The following P2RX5 variants were observed in gnomAD, a reference collection of about 807,000 sequenced individuals.
P2RX5 encodes P2X purinoceptor 5.
Under a neutral mutation model 54.1 loss-of-function variants are expected in P2RX5, and 46 were observed. That is an observed-to-expected ratio of 0.85 (90% CI 0.67 to 1.09). The LOEUF is 1.09. P2RX5 is among the 50% of genes least tolerant of loss of function. P2RX5 has a pLI of 0.00. For synonymous variants in P2RX5, 226 were observed against 226.4 expected, an observed-to-expected ratio of 1.00 and a Z score of 0.02; for missense variants, 566 against 549.8, an observed-to-expected ratio of 1.03 and a Z score of -0.29.
rs142965838 is a variant in P2RX5, at chr17:3,688,058, A to G, written c.935T>C (p.Leu312Pro). 6.2e-7 allele frequency: 1 copy of G among 1,603,434 alleles called. No homozygotes were observed. Among genetic ancestry groups the G allele is most frequent in the Non-Finnish European group, 8.5e-7 (1 of 1,175,690 alleles). Residue 312 changes from leucine to proline, a missense_variant, in exon 9 of 12, where the codon CTG (leucine) becomes CCG (proline). Transcript: ENST00000225328. ...RDAAGVEFRT[L>P]MKAYGIRFDV... is the part of the protein sequence containing the mutation. ...AAAGCGGATCCCGTAGGCTTTCATC[A>G]GGGTGCGGAACTCCACCCCGGCTGC...
At chr17:3,706,001 C>T in the P2RX5 span, among the ~76,000 whole-genome samples, 1 of 151,846 alleles carries the variant, frequency 6.6e-6, no homozygotes, top group Non-Finnish European at 1.5e-5. Context: ...TGTCGGCAGG[C>T]TGGAGTGCAG....
chr17:3,714,592 C>A, the P2RX5 span: 2 of 339,426 alleles, frequency 5.9e-6, no homozygotes, highest in African/African-American at 2.1e-5. Flanking sequence ...ACTGCAAATC[C>A]TAAGTAATAC....
intron 11 of P2RX5, chr17:3,675,816 G>T (rs1429473258): frequency 1.0e-6 from 1 of 967,424 alleles, no homozygotes; most frequent in African/African-American, 1.8e-5. Context: ...CTCCCAAAGT[G>T]CTGGGATTAC....
intron 9 of P2RX5, chr17:3,685,500 A>AG (rs2050419893): frequency 6.5e-6 from 1 of 154,054 alleles, no homozygotes; most frequent in African/African-American, 2.4e-5. Flanking sequence ...GCGGGGAGGG[A>AG]GGGGAGGTAC....
chr17:3,696,882 G>T (rs954540722), upstream of P2RX5, among the ~76,000 whole-genome samples: 2 of 152,148 alleles, frequency 1.3e-5, no homozygotes, highest in African/African-American at 4.8e-5. Context: ...CTCGCGCCAG[G>T]TCTCCTGCCA....
At chr17:3,675,882 T>C (rs1398494895) in intron 11 of P2RX5, 1 of 985,236 alleles carries the variant, frequency 1.0e-6, no homozygotes, top group East Asian at 1.1e-4. Flanking sequence ...GAGAGCAGTA[T>C]AGGCTTGTTG....
chr17:3,676,989 G>A (rs2050119506), intron 11 of P2RX5: 2 of 616,374 alleles, frequency 3.2e-6, no homozygotes, highest in African/African-American at 2.0e-5. Context: ...TTGAACCTGG[G>A]AGGCGGAGGT....
upstream of P2RX5, among the ~76,000 whole-genome samples, chr17:3,698,179 G>A (rs2050792420): frequency 6.6e-6 from 1 of 151,884 alleles, no homozygotes. Flanking sequence ...GCACTCCAAT[G>A]CTCACTAAAG....
upstream of P2RX5, among the ~76,000 whole-genome samples, chr17:3,700,978 C>T (rs2050812398): frequency 6.6e-6 from 1 of 152,184 alleles, no homozygotes; most frequent in African/African-American, 2.4e-5. Flanking sequence ...ACAACCCCCT[C>T]ACTGCCTCAC....
At chr17:3,722,240 G>C in the P2RX5 span, 3 of 152,156 alleles carry the variant, frequency 2.0e-5, no homozygotes, top group Non-Finnish European at 4.4e-5. Flanking sequence ...CCAGCACTTT[G>C]GGAGGCTGAG....
chr17:3,680,217 A>ATCCTCCACCCTGCGTCCTCCACCCAGCG (rs2050217485), intron 10 of P2RX5, among the ~76,000 whole-genome samples: 3 of 48,704 alleles, frequency 6.2e-5, no homozygotes, highest in Non-Finnish European at 1.2e-4. Flanking sequence ...TCCACCCTGC[A>ATCCTCCACCCTGCGTCCTCCACCCAGCG]TCCTCCACCC....
intron 5 of P2RX5, 72 bp from the exon 6 acceptor site, chr17:3,690,222 G>T: frequency 7.1e-7 from 1 of 1,414,372 alleles, no homozygotes; most frequent in Non-Finnish European, 1.0e-6. Context: ...CTGGGCCAGT[G>T]TGAGGCCTGT....
chr17:3,695,388 A>G (rs2050728732), intron 1 of P2RX5, among the ~76,000 whole-genome samples: 1 of 152,120 alleles, frequency 6.6e-6, no homozygotes, highest in Non-Finnish European at 1.5e-5. Context: ...AAGGGAGCTC[A>G]GGAACATGCC....
chr17:3,676,638 C>T (rs2050111582), intron 11 of P2RX5: 1 of 980,264 alleles, frequency 1.0e-6, no homozygotes, highest in Non-Finnish European at 1.2e-6. Context: ...AGAACCAGGG[C>T]TTCTTAAATG....
At chr17:3,679,980 T>C (rs1020712889) in intron 10 of P2RX5, among the ~76,000 whole-genome samples, 196 bp from the exon 11 acceptor site, 1 of 149,634 alleles carries the variant, frequency 6.7e-6, no homozygotes, top group Non-Finnish European at 1.5e-5. Flanking sequence ...CCACCCTGAG[T>C]CCTCCACCCT....
the P2RX5 span, among the ~76,000 whole-genome samples, chr17:3,711,370 C>CTTTTTTTTTTTTTTTTTTT: frequency 7.1e-4 from 45 of 63,092 alleles, 10 homozygotes; most frequent in East Asian, 1.5e-3. Context: ...AGCACTCATT[C>CTTTTTTTTTTTTTTTTTTT]TTTTTTTTTT....
chr17:3,720,423 T>G, the P2RX5 span: 1 of 1,089,130 alleles, frequency 9.2e-7, no homozygotes, highest in Non-Finnish European at 1.4e-6. Flanking sequence ...GGGAAAGGAA[T>G]GAGGGAAACA....
Position 3,690,347 on chromosome 17 carries a change from G to A in P2RX5, c.533+80C>T, listed in dbSNP as rs532100680. ...CCCTCAGCGTGAGGCTCCCAGAGTG[G>A]GCAGGACTCCACCCTCAGGCTGGGA... On this transcript the variant is annotated intron_variant, in intron 5 of 11. Coordinates refer to ENST00000225328, the MANE Select transcript of P2RX5 (RefSeq NM_002561.4). 27 of 1,236,396 alleles carry A rather than the reference G, an allele frequency of 2.2e-5. 1 individual carries two copies. In the South Asian group the frequency reaches 2.7e-4, roughly 12 times the overall value. The allele number at this position is 1,236,396 out of a possible 1,614,324, so 76.6% of individuals were successfully genotyped here.
chr17:3,691,684 T>C lies in P2RX5; in HGVS notation c.248A>G (p.Gln83Arg). 2 of 1,614,224 alleles carry C rather than the reference T, an allele frequency of 1.2e-6. No homozygotes were observed. The highest frequency in any genetic ancestry group is 1.7e-6 in the Non-Finnish European group (2 of 1,180,034). Residue 83 changes from glutamine to arginine, a missense_variant, in exon 2 of 12, where the codon CAG (glutamine) becomes CGG (arginine). Coordinates refer to ENST00000225328, the MANE Select transcript of P2RX5 (RefSeq NM_002561.4). ...VAFTNTSDLG[Q>R]RIWDVADYVI... Reference sequence around the variant, plus strand: ...GTAGTCGGCGACATCCCAGATCCGCTGCCCAAGATCCGAGGTGTTGGTGAA... The same window carrying C: ...GTAGTCGGCGACATCCCAGATCCGCCGCCCAAGATCCGAGGTGTTGGTGAA...
Sources: gnomAD v4.1 joint callset for allele counts (sites outside exome capture counted in the v4.1 genomes callset) on GRCh38, gnomAD v4.1.1 for gene constraint, MANE v1.5 for transcripts, NCBI Gene and HGNC (gene_info 2026-07-23, HGNC 2026-07-21) for gene names.